SNX21: variants seen among roughly 807,000 people sequenced by gnomAD.
The protein encoded by SNX21 is sorting nexin family member 21.
Under a neutral mutation model 30.9 loss-of-function variants are expected in SNX21, and 36 were observed. The ratio of observed to expected loss-of-function variants is 1.16; its 90% CI spans 0.89 to 1.54. The LOEUF is 1.54. Among genes scored for constraint, SNX21 ranks in the 40% most tolerant of loss-of-function variants. The pLI, the probability that SNX21 is intolerant of heterozygous loss-of-function variation, is 0.00. For missense variants in SNX21, 508 were observed against 516.5 expected (o/e 0.98, Z 0.16); for synonymous variants, 218 against 222.7 (o/e 0.98, Z 0.19).
Position 45,834,957 on chromosome 20 carries a change from A to G in SNX21, c.290-2A>G. 1.2e-6 allele frequency: 2 copies of G among 1,613,020 alleles called. No individual in the cohort carries two copies. The highest frequency in any genetic ancestry group is 1.7e-6 in the Non-Finnish European group (2 of 1,179,458). On this transcript the variant is annotated splice_acceptor_variant, in intron 2 of 3. Coordinates refer to ENST00000491381, the MANE Select transcript of SNX21 (RefSeq NM_033421.4). LOFTEE classifies it high-confidence loss of function. ...TTGATATGACTGGTCATGTGTCTGC[A>G]GAACGGAGCCCCCCACCTGATGGGC...
rs752961489 is a variant in SNX21, at chr20:45,843,138, G to T, written c.*1825G>T. On this transcript the variant is annotated 3_prime_UTR_variant, in exon 4 of 4. Coordinates refer to ENST00000491381, the MANE Select transcript of SNX21 (RefSeq NM_033421.4). The stretch of plus-strand genomic sequence containing the variant: ...TGGAATCAGAATCTATTTTGAAAAG[G>T]CATCCCCAAATGGCAGTCTGATGGA... The T allele has an allele frequency of 4.6e-6, 4 of 870,294 alleles. No homozygotes were observed. The highest frequency in any genetic ancestry group is 3.6e-5 in the African/African-American group (2 of 56,314). 53.9% of individuals were successfully genotyped at this position (870,294 alleles called of 1,614,324 possible).
In SNX21 at chr20:45,841,547, C is replaced by G; in HGVS notation, c.*234C>G. 1 of 1,388,990 alleles carries G rather than the reference C, an allele frequency of 7.2e-7. No individual in the cohort carries two copies. Among genetic ancestry groups the G allele is most frequent in the Non-Finnish European group, 9.3e-7 (1 of 1,079,428 alleles). The allele number at this position is 1,388,990 out of a possible 1,614,324, so 86.0% of individuals were successfully genotyped here. ...GGAAGTCTGACACAGCCTCTCCAGC[C>G]TATAAACAGCCGGGGGGCTGTGGCA... On this transcript the variant is annotated 3_prime_UTR_variant, in exon 4 of 4. Transcript: ENST00000491381.
chr20:45,839,330 A>C (rs1412204108), intron 3 of SNX21, among the ~76,000 whole-genome samples: 1 of 152,126 alleles, frequency 6.6e-6, no homozygotes, highest in Non-Finnish European at 1.5e-5. Context: ...CCTGGCTAAC[A>C]CAGTGAAACC....
intron 3 of SNX21, 128 bp from the exon 4 acceptor site, chr20:45,840,511 G>T: frequency 6.2e-7 from 1 of 1,613,810 alleles, no homozygotes; most frequent in Non-Finnish European, 8.5e-7. Context: ...CGCCCTCCTG[G>T]GTGCTGTCCC....
intron 3 of SNX21, among the ~76,000 whole-genome samples, chr20:45,838,048 G>A (rs1218841784): frequency 6.6e-6 from 1 of 150,844 alleles, no homozygotes. Context: ...GGGATTACAG[G>A]TGTGAGCCAC....
chr20:45,833,884 C>T lies in SNX21; in HGVS notation c.-36C>T. ...GCCGACCTCCATGGGCTGCGGGGGG[C>T]TGCACCCGGACCCCTGGGGCGCGGC... On this transcript the variant is annotated 5_prime_UTR_variant, in exon 1 of 4. Transcript: ENST00000491381. 1.5e-6 allele frequency: 2 copies of T among 1,352,498 alleles called. 1 individual carries two copies. The allele number at this position is 1,352,498 out of a possible 1,614,324, so 83.8% of individuals were successfully genotyped here.
At position 45,841,470 on chromosome 20, in the gene SNX21, T is replaced by C; in HGVS notation, c.*157T>C. 5.0e-6 allele frequency: 7 copies of C among 1,407,114 alleles called. No individual in the cohort carries two copies. The highest frequency in any genetic ancestry group is 2.5e-4 in the Middle Eastern group (1 of 4,042). 87.2% of individuals were successfully genotyped at this position (1,407,114 alleles called of 1,614,324 possible). On this transcript the variant is annotated 3_prime_UTR_variant, in exon 4 of 4. Transcript: ENST00000491381. ...GTGAAGCAGATCAAGGAAACTTCTG[T>C]TGAGCTAGGCTCAGGGTGAGCTTTG...
At position 45,834,429 on chromosome 20, in the gene SNX21, C is replaced by T; in HGVS notation, c.250C>T (p.Gln84Ter). The change falls in exon 2 of 4, where the codon CAG (glutamine) becomes TAG (stop). Residue 84 changes from glutamine to a stop codon, truncating the protein, a stop_gained. Transcript: ENST00000491381. LOFTEE classifies it high-confidence loss of function. Reference sequence around the variant, plus strand: ...GGACGACGAGGAGGCTGGCCCTGACCAGCTGCCCCTCGGGGATGGGACGTC... The same window carrying T: ...GGACGACGAGGAGGCTGGCCCTGACTAGCTGCCCCTCGGGGATGGGACGTC... ...DEDDEEAGPD[Q>*]LPLGDGTSGE... 4 of 1,606,776 alleles carry T rather than the reference C, an allele frequency of 2.5e-6. No homozygotes were observed. Among genetic ancestry groups the T allele is most frequent in the Non-Finnish European group, 2.5e-6 (3 of 1,179,286 alleles).
Position 45,834,244 on chromosome 20 carries a change from T to A in SNX21, c.65T>A (p.Leu22Ter). The A allele has an allele frequency of 6.4e-7, 1 of 1,571,962 alleles. No homozygotes were observed. The highest frequency in any genetic ancestry group is 8.6e-7 in the Non-Finnish European group (1 of 1,166,372). Residue 22 changes from leucine to a stop codon, truncating the protein, a stop_gained, in exon 2 of 4, where the codon TTG (leucine) becomes TAG (stop). Coordinates refer to ENST00000491381, the MANE Select transcript of SNX21 (RefSeq NM_033421.4). LOFTEE classifies it high-confidence loss of function. ...CTCCTGCACCGGCTGCGGCACGCCT[T>A]GGCCGGCGACGGCCCCGGGGAGGCG... ...SRLLHRLRHA[L>*]AGDGPGEAAA... is the part of the protein sequence containing the mutation.
At chr20:45,834,148 C>T (rs1335916521) in intron 1 of SNX21, 53 bp from the exon 2 acceptor site, 9 of 1,436,564 alleles carry the variant, frequency 6.3e-6, no homozygotes, top group Non-Finnish European at 4.5e-6. Context: ...CTGCGCCGGG[C>T]TGGGGTACCC....
intron 3 of SNX21, among the ~76,000 whole-genome samples, chr20:45,839,478 T>C (rs1252996795): frequency 6.6e-6 from 1 of 151,754 alleles, no homozygotes; most frequent in African/African-American, 2.4e-5. Flanking sequence ...ATCGTGCCAC[T>C]GTACTCCAGC....
At position 45,841,637 on chromosome 20, in the gene SNX21, C is replaced by A. The variant is rs1436723320; in HGVS notation, c.*324C>A. The A allele has an allele frequency of 4.2e-6, 6 of 1,412,242 alleles. No individual in the cohort carries two copies. The Admixed American group carries it at 9.7e-5, about 23-fold the overall frequency. 87.5% of individuals were successfully genotyped at this position (1,412,242 alleles called of 1,614,324 possible). On this transcript the variant is annotated 3_prime_UTR_variant, in exon 4 of 4. Transcript: ENST00000491381. Reference sequence around the variant, plus strand: ...CTGGCAAGGCCTCTTGGCTGAAGGCCAGGGACTCTGCCCCTGGAGTCCTGG... The same window carrying A: ...CTGGCAAGGCCTCTTGGCTGAAGGCAAGGGACTCTGCCCCTGGAGTCCTGG...
intron 3 of SNX21, chr20:45,840,437 G>A: frequency 6.2e-7 from 1 of 1,614,198 alleles, no homozygotes; most frequent in East Asian, 2.2e-5. Flanking sequence ...CTTGGGCCTG[G>A]GTCATTTCAG....
chr20:45,837,203 A>G (rs529801670), intron 3 of SNX21, among the ~76,000 whole-genome samples: 1 of 152,346 alleles, frequency 6.6e-6, no homozygotes, highest in South Asian at 2.1e-4. Flanking sequence ...CAAAATGTAA[A>G]CTAGATGAAC....
Position 45,840,675 on chromosome 20 carries a change from G to A in SNX21, c.484G>A (p.Asp162Asn). The A allele has an allele frequency of 6.2e-7, 1 of 1,614,156 alleles. No homozygotes were observed. The highest frequency in any genetic ancestry group is 8.5e-7 in the Non-Finnish European group (1 of 1,180,032). The change falls in exon 4 of 4, where the codon GAT becomes AAT. Residue 162 changes from aspartate to asparagine, a missense_variant. Coordinates refer to ENST00000491381, the MANE Select transcript of SNX21 (RefSeq NM_033421.4). Reference sequence around the variant, plus strand: ...CGCCGTGATCGGCCCAGGACCGCCAGATTGCCAGCCAGCCCAGATCTCTCG... The same window carrying A: ...CGCCGTGATCGGCCCAGGACCGCCAAATTGCCAGCCAGCCCAGATCTCTCG... ...TLAVIGPGPP[D>N]CQPAQISRRY...
At position 45,835,003 on chromosome 20, in the gene SNX21, G is replaced by A. The variant is rs760184834; in HGVS notation, c.334G>A (p.Ala112Thr). The change falls in exon 3 of 4, where the codon GCG (alanine) becomes ACG (threonine). Residue 112 changes from alanine to threonine, a missense_variant. Ala to Thr is a moderately conservative substitution (Grantham distance 58, BLOSUM62 0). Transcript: ENST00000491381. The stretch of plus-strand genomic sequence containing the variant: ...TGGGCAGTGGGGCAGTCAGCTCCTG[G>A]CGCGGCAGCTGCAGGATTTCTGGAA... ...PDGQWGSQLLARQLQDFWKKS... is the reference protein window; with the variant it reads ...PDGQWGSQLLTRQLQDFWKKS... 1.9e-6 allele frequency: 3 copies of A among 1,614,210 alleles called. No homozygotes were observed. The highest frequency in any genetic ancestry group is 2.7e-5 in the African/African-American group (2 of 75,064).
At position 45,841,605 on chromosome 20, in the gene SNX21, C is replaced by T; in HGVS notation, c.*292C>T. ...GGGCAATGTTCCCTTGTTGGTGGGCCCCCAAGCTGGCAAGGCCTCTTGGCT... is the reference window on the plus strand; with the variant it reads ...GGGCAATGTTCCCTTGTTGGTGGGCTCCCAAGCTGGCAAGGCCTCTTGGCT... On this transcript the variant is annotated 3_prime_UTR_variant, in exon 4 of 4. Transcript: ENST00000491381. 2 of 1,401,314 alleles carry T rather than the reference C, an allele frequency of 1.4e-6. No individual in the cohort carries two copies. Among genetic ancestry groups the T allele is most frequent in the East Asian group, 2.6e-5 (1 of 37,806 alleles). 86.8% of individuals were successfully genotyped at this position (1,401,314 alleles called of 1,614,324 possible). A position where few individuals can be genotyped will look rare whatever the true frequency, so the allele number is the denominator to read the frequency against.
intron 3 of SNX21, among the ~76,000 whole-genome samples, chr20:45,837,371 A>G (rs1025984404): frequency 2.0e-5 from 3 of 152,326 alleles, no homozygotes; most frequent in East Asian, 1.9e-4. Flanking sequence ...TGAGAATACA[A>G]TAAGTTTCTT....
In SNX21 at chr20:45,840,682, A is replaced by T; in HGVS notation, c.491A>T (p.Gln164Leu). The change falls in exon 4 of 4, where the codon CAG (glutamine) becomes CTG (leucine). Residue 164 changes from glutamine to leucine, a missense_variant. Coordinates refer to ENST00000491381, the MANE Select transcript of SNX21 (RefSeq NM_033421.4). ...ATCGGCCCAGGACCGCCAGATTGCC[A>T]GCCAGCCCAGATCTCTCGCCGTTAC... Reference protein sequence around the residue: ...AVIGPGPPDCQPAQISRRYSD... With the variant: ...AVIGPGPPDCLPAQISRRYSD... 6.2e-7 allele frequency: 1 copy of T among 1,613,568 alleles called. No individual in the cohort carries two copies. Among genetic ancestry groups the T allele is most frequent in the Non-Finnish European group, 8.5e-7 (1 of 1,179,490 alleles).
Sources: allele counts gnomAD v4.1 joint callset (sites outside exome capture counted in the v4.1 genomes callset), GRCh38; gene constraint gnomAD v4.1.1; transcripts MANE v1.5; gene names NCBI Gene and HGNC (gene_info 2026-07-23, HGNC 2026-07-21).